The following VSNL1 variants were observed in gnomAD, a reference collection of about 807,000 sequenced individuals.
VSNL1 encodes visinin like 1, also known as visinin-like protein 1.
In VSNL1, 6 loss-of-function variants were observed where a neutral mutation model predicts 20.4. The observed-to-expected ratio is 0.29, with a 90% CI of 0.16 to 0.58. The LOEUF (loss-of-function observed/expected upper bound fraction) is 0.58. VSNL1 is among the 20% of genes least tolerant of loss of function. The probability of loss-of-function intolerance (pLI) is 0.90; values close to 1 mark genes in which losing one functional copy is unlikely to be tolerated. For synonymous variants in VSNL1, 93 were observed against 86.4 expected (o/e 1.08, Z -0.42); for missense variants, 100 against 234.5 (o/e 0.43, Z 3.75).
rs761358838 is a variant in VSNL1 at position 17,649,648 on chromosome 2, C to T, written c.378+23C>T. On this transcript the variant is annotated intron_variant, in intron 3 of 3. Coordinates refer to ENST00000295156, the MANE Select transcript of VSNL1 (RefSeq NM_003385.5). This position sits in a 1 kb window ranked among gnomAD's most constrained non-coding sequence, Gnocchi z 6.4. ...GAGGTGAGGCCCGGGGTGTGGTTGG[C>T]GGGTGGTGGGCACAGAAGGAGACCC... 12 of 1,612,032 alleles carry T rather than the reference C, an allele frequency of 7.4e-6. No homozygotes were observed. The highest frequency in any genetic ancestry group is 4.4e-5 in the South Asian group (4 of 90,922).
chr2:17,645,568 C>T (rs1254955052), intron 2 of VSNL1, among the ~76,000 whole-genome samples: 2 of 152,196 alleles, frequency 1.3e-5, no homozygotes, highest in South Asian at 2.1e-4. Context: ...TGGGTGGGGC[C>T]CTGGAGGCCC....
At chr2:17,620,933 C>T (rs1052676940) in intron 2 of VSNL1, among the ~76,000 whole-genome samples, 1 of 152,176 alleles carries the variant, frequency 6.6e-6, no homozygotes. Context: ...CTACTTCTTC[C>T]TCTCACATCC....
Position 17,540,737 on chromosome 2 carries a change from C to G in VSNL1, c.-187C>G, listed in dbSNP as rs1021618374. The stretch of plus-strand genomic sequence containing the variant: ...TTACCCGAGCGTGTTGCGGCAGCGG[C>G]TGGGCTTGCAAGGCGCGATCCAAGA... On this transcript the variant is annotated 5_prime_UTR_variant, in exon 1 of 4. Transcript: ENST00000295156. The G allele has an allele frequency of 6.5e-6, 1 of 152,676 alleles. No homozygotes were observed. Among genetic ancestry groups the G allele is most frequent in the Non-Finnish European group, 1.5e-5 (1 of 68,074 alleles). 9.5% of individuals were successfully genotyped at this position (152,676 alleles called of 1,614,324 possible). A position where few individuals can be genotyped will look rare whatever the true frequency, so the allele number is the denominator to read the frequency against.
intron 2 of VSNL1, among the ~76,000 whole-genome samples, chr2:17,645,741 C>T (rs755393934): frequency 1.3e-5 from 2 of 152,180 alleles, no homozygotes; most frequent in African/African-American, 4.8e-5. Context: ...TTAAACCATG[C>T]AAAGACTCCT....
intron 2 of VSNL1, among the ~76,000 whole-genome samples, chr2:17,617,287 G>C (rs2103398743): frequency 6.6e-6 from 1 of 152,274 alleles, no homozygotes; most frequent in South Asian, 2.1e-4. Flanking sequence ...CTGAGGTCAG[G>C]AGTTCAAGAT....
chr2:17,608,268 C>G (rs906335820), intron 2 of VSNL1, among the ~76,000 whole-genome samples: 1 of 152,250 alleles, frequency 6.6e-6, no homozygotes, highest in Non-Finnish European at 1.5e-5. Flanking sequence ...CTAAGTAAAT[C>G]TCACTGCATA....
At chr2:17,564,823 A>C (rs978054844) in intron 1 of VSNL1, among the ~76,000 whole-genome samples, 1 of 152,204 alleles carries the variant, frequency 6.6e-6, no homozygotes. Flanking sequence ...ATGAACAAAA[A>C]ACTAGCTTGA....
chr2:17,650,028 G>A (rs1666090956), intron 3 of VSNL1, among the ~76,000 whole-genome samples: 1 of 152,196 alleles, frequency 6.6e-6, no homozygotes, highest in Non-Finnish European at 1.5e-5. Flanking sequence ...TCATTCCACA[G>A]CAAGCAGGCT....
chr2:17,570,923 A>G (rs529849279), intron 1 of VSNL1, among the ~76,000 whole-genome samples: 2 of 152,014 alleles, frequency 1.3e-5, no homozygotes, highest in Non-Finnish European at 2.9e-5. Context: ...AATCCTGGCT[A>G]TGTGGGAGGC....
intron 1 of VSNL1, among the ~76,000 whole-genome samples, chr2:17,569,925 A>G (rs1664042630): frequency 1.3e-5 from 2 of 152,246 alleles, no homozygotes; most frequent in Admixed American, 1.3e-4. Flanking sequence ...GAAATAGTAC[A>G]AACTCAGACT....
chr2:17,561,274 A>G (rs954758566), intron 1 of VSNL1, among the ~76,000 whole-genome samples: 2 of 152,210 alleles, frequency 1.3e-5, no homozygotes, highest in Non-Finnish European at 2.9e-5. Context: ...ACAAAGTGGC[A>G]TTTGTGTTGA....
chr2:17,576,129 C>A (rs1158998937), intron 1 of VSNL1, among the ~76,000 whole-genome samples: 1 of 152,116 alleles, frequency 6.6e-6, no homozygotes, highest in Non-Finnish European at 1.5e-5. Context: ...TTGTAAGCAG[C>A]AAGAGAGGAA....
intron 1 of VSNL1, among the ~76,000 whole-genome samples, chr2:17,550,485 G>A (rs952007748): frequency 1.3e-5 from 2 of 152,204 alleles, no homozygotes; most frequent in Admixed American, 1.3e-4. Flanking sequence ...GGCTTCCAAA[G>A]AGACCCTTGT....
intron 1 of VSNL1, among the ~76,000 whole-genome samples, chr2:17,561,390 T>C (rs769036342): frequency 1.3e-5 from 2 of 152,150 alleles, no homozygotes; most frequent in Non-Finnish European, 2.9e-5. Context: ...AGTGAACCTG[T>C]TGAAAAACTG....
At chr2:17,571,270 C>T (rs879940994) in intron 1 of VSNL1, among the ~76,000 whole-genome samples, 4 of 152,128 alleles carry the variant, frequency 2.6e-5, no homozygotes, top group Non-Finnish European at 5.9e-5. Flanking sequence ...GCTATCTAGC[C>T]GGAACCTAAC....
chr2:17,615,209 C>T (rs966576294), intron 2 of VSNL1, among the ~76,000 whole-genome samples: 2 of 152,184 alleles, frequency 1.3e-5, no homozygotes, highest in African/African-American at 4.8e-5. Flanking sequence ...AGCTCCCTGC[C>T]CCCTCTCTCT....
At chr2:17,560,107 TGAAA>T (rs1037836883) in intron 1 of VSNL1, among the ~76,000 whole-genome samples, 15 of 151,242 alleles carry the variant, frequency 9.9e-5, no homozygotes, top group African/African-American at 3.4e-4. Flanking sequence ...GATTAAAAAA[TGAAA>T]GAAAGACAAA....
rs1665697536 is a variant in VSNL1, at chr2:17,634,066, G to GCCT, written c.163-15343_163-15341dup. Among the ~76,000 whole-genome samples, 1 of 152,172 alleles carries GCCT rather than the reference G, an allele frequency of 6.6e-6. No homozygotes were observed. Among genetic ancestry groups the GCCT allele is most frequent in the Admixed American group, 6.5e-5 (1 of 15,278 alleles). On this transcript the variant is annotated intron_variant, in intron 2 of 3. Transcript: ENST00000295156. This position sits in a 1 kb window ranked among gnomAD's most constrained non-coding sequence, Gnocchi z 4.3. The stretch of plus-strand genomic sequence containing the variant: ...GTTTGCAGGACCCAAGTCGAAAAGG[G>GCCT]CCTTGTGGGACTGGACTAAGCAGAG...
intron 2 of VSNL1, among the ~76,000 whole-genome samples, chr2:17,646,635 A>G (rs937391495): frequency 1.3e-5 from 2 of 152,342 alleles, no homozygotes; most frequent in Non-Finnish European, 2.9e-5. Flanking sequence ...TAATTTTTCA[A>G]CCTCAAAGTT....
Sources: allele counts gnomAD v4.1 joint callset (sites outside exome capture counted in the v4.1 genomes callset), GRCh38; gene constraint gnomAD v4.1.1; non-coding constraint Gnocchi (gnomAD v3.1); transcripts MANE v1.5; gene names NCBI Gene and HGNC (gene_info 2026-07-23, HGNC 2026-07-21).